RASL11B: variants seen among roughly 807,000 people sequenced by gnomAD.
RASL11B encodes the protein ras-like protein family member 11B.
Under a neutral mutation model 22.9 loss-of-function variants are expected in RASL11B, and 14 were observed. The observed-to-expected ratio is 0.61, with a 90% CI of 0.40 to 0.96. RASL11B has a LOEUF of 0.96. RASL11B is among the 40% of genes least tolerant of loss of function. RASL11B has a pLI of 0.00. For missense variants in RASL11B, 261 were observed against 322.0 expected (o/e 0.81, Z 1.45); for synonymous variants, 143 against 130.2 (o/e 1.10, Z -0.67).
At position 52,866,037 on chromosome 4, in the gene RASL11B, T is replaced by G; in HGVS notation, c.*232T>G. 1.8e-6 allele frequency: 1 copy of G among 552,474 alleles called. No homozygotes were observed. 34.2% of individuals were successfully genotyped at this position (552,474 alleles called of 1,614,324 possible). The stretch of plus-strand genomic sequence containing the variant: ...TGAGCCACTCTCTGAATATGTGAAA[T>G]GTACTCTGTGTCTTTTCCTTTAGAG... On this transcript the variant is annotated 3_prime_UTR_variant, in exon 4 of 4. Coordinates refer to ENST00000248706, the MANE Select transcript of RASL11B (RefSeq NM_023940.3).
chr4:52,862,390 ATTG>A lies in RASL11B; in HGVS notation c.-112_-110del, dbSNP rs759198863. Reference sequence around the variant, plus strand: ...ACCCCGCCCGTACCTGCACTTATTTATTGTTGTTATTTCTTACCGCGGAGCCCC... The same window carrying A: ...ACCCCGCCCGTACCTGCACTTATTTATTGTTATTTCTTACCGCGGAGCCCC... On this transcript the variant is annotated 5_prime_UTR_variant, in exon 1 of 4. Transcript: ENST00000248706. 316 of 711,118 alleles carry A rather than the reference ATTG, an allele frequency of 4.4e-4. No homozygotes were observed. Among genetic ancestry groups the A allele is most frequent in the Non-Finnish European group, 5.7e-4 (285 of 497,914 alleles). The allele number at this position is 711,118 out of a possible 1,614,324, so 44.1% of individuals were successfully genotyped here.
rs775128345 is a variant in RASL11B, at chr4:52,865,826, G to A, written c.*21G>A. On this transcript the variant is annotated 3_prime_UTR_variant, in exon 4 of 4. Transcript: ENST00000248706. The stretch of plus-strand genomic sequence containing the variant: ...TCTGAAGCAGGAGGAGCACTCAAGG[G>A]GGTTTGGTCTTCCCAGGAAGAGGGC... 4.4e-6 allele frequency: 7 copies of A among 1,587,692 alleles called. No homozygotes were observed. In the African/African-American group the frequency reaches 8.1e-5, roughly 18 times the overall value.
intron 2 of RASL11B, 159 bp downstream of exon 2, chr4:52,863,483 C>G: frequency 7.8e-6 from 5 of 642,582 alleles, no homozygotes; most frequent in Admixed American, 4.7e-5. Context: ...TGGCGCCCCC[C>G]TCCCATAACT....
intron 3 of RASL11B, 73 bp from the exon 4 acceptor site, chr4:52,865,262 T>C: frequency 7.6e-7 from 1 of 1,316,212 alleles, no homozygotes; most frequent in Non-Finnish European, 1.1e-6. Context: ...TCTTTTGAAT[T>C]TGAAATCTAC....
intron 1 of RASL11B, 32 bp downstream of exon 1, chr4:52,862,681 C>G: frequency 6.6e-7 from 1 of 1,516,372 alleles, no homozygotes; most frequent in South Asian, 1.3e-5. Context: ...TGGGTCTGGT[C>G]TTGGACGACC....
Position 52,862,430 on chromosome 4 carries a change from C to G in RASL11B, c.-78C>G, listed in dbSNP as rs1402838899. On this transcript the variant is annotated 5_prime_UTR_variant, in exon 1 of 4. Coordinates refer to ENST00000248706, the MANE Select transcript of RASL11B (RefSeq NM_023940.3). ...TACCGCGGAGCCCCGCAGTCGGGTC[C>G]TCCCGCCCGCTCCCGCGCAGCGCTA... The G allele has an allele frequency of 1.2e-5, 18 of 1,496,354 alleles. No individual in the cohort carries two copies. The highest frequency in any genetic ancestry group is 2.1e-4 in the Middle Eastern group (1 of 4,654). 92.7% of individuals were successfully genotyped at this position (1,496,354 alleles called of 1,614,324 possible).
chr4:52,863,034 G>A (rs1718190008), intron 1 of RASL11B, among the ~76,000 whole-genome samples: 1 of 152,212 alleles, frequency 6.6e-6, no homozygotes, highest in Non-Finnish European at 1.5e-5. Context: ...GCCGGGCTCA[G>A]AGGAGGGGGT....
In RASL11B at chr4:52,865,823, A is replaced by G. The variant is rs764967578; in HGVS notation, c.*18A>G. ...CCGTCTGAAGCAGGAGGAGCACTCA[A>G]GGGGGTTTGGTCTTCCCAGGAAGAG... On this transcript the variant is annotated 3_prime_UTR_variant, in exon 4 of 4. Transcript: ENST00000248706. 2.5e-6 allele frequency: 4 copies of G among 1,597,254 alleles called. No homozygotes were observed. Among genetic ancestry groups the G allele is most frequent in the Non-Finnish European group, 3.4e-6 (4 of 1,166,852 alleles).
chr4:52,863,201 G>T (rs1416041252), intron 1 of RASL11B, 67 bp from the exon 2 acceptor site: 1 of 1,386,824 alleles, frequency 7.2e-7, no homozygotes, highest in Non-Finnish European at 1.0e-6. Flanking sequence ...TTCCAGGCAG[G>T]GGGTGGGGTG....
At position 52,865,875 on chromosome 4, in the gene RASL11B, C is replaced by T. The variant is rs975983421; in HGVS notation, c.*70C>T. On this transcript the variant is annotated 3_prime_UTR_variant, in exon 4 of 4. Coordinates refer to ENST00000248706, the MANE Select transcript of RASL11B (RefSeq NM_023940.3). ...GCCTGAGGTTCTCCTAGTGCAGGAA[C>T]GTTGAATATTGGCAATGATTCCTGG... 6.2e-6 allele frequency: 7 copies of T among 1,136,044 alleles called. No homozygotes were observed. The highest frequency in any genetic ancestry group is 2.9e-5 in the South Asian group (2 of 70,066). The allele number at this position is 1,136,044 out of a possible 1,614,324, so 70.4% of individuals were successfully genotyped here.
intron 1 of RASL11B, 38 bp downstream of exon 1, chr4:52,862,687 C>T (rs748174922): frequency 6.7e-6 from 10 of 1,499,416 alleles, no homozygotes; most frequent in Middle Eastern, 1.8e-4. Context: ...TGGTCTTGGA[C>T]GACCCCTGAC....
chr4:52,863,422 C>G, intron 2 of RASL11B, 98 bp downstream of exon 2: 1 of 1,007,690 alleles, frequency 9.9e-7, no homozygotes, highest in Non-Finnish European at 1.5e-6. Flanking sequence ...AGTGACAGTC[C>G]GAGCCTGAGG....
At chr4:52,865,230 A>G in intron 3 of RASL11B, 105 bp from the exon 4 acceptor site, 3 of 844,470 alleles carry the variant, frequency 3.6e-6, no homozygotes, top group South Asian at 3.6e-5. Context: ...ATGGCCCTCA[A>G]CCTGGCACTA....
In RASL11B at chr4:52,862,347, A is replaced by T. The variant is rs554799808; in HGVS notation, c.-161A>T. On this transcript the variant is annotated 5_prime_UTR_variant, in exon 1 of 4. Transcript: ENST00000248706. ...GGGTCTGGAGCCTGAGCCCTGCGGA[A>T]CCTCGGCGCTCGGCCCCACCCCGCC... is the stretch of plus-strand genomic sequence containing the variant. 11 of 669,776 alleles carry T rather than the reference A, an allele frequency of 1.6e-5. No homozygotes were observed. Among genetic ancestry groups the T allele is most frequent in the Admixed American group, 7.5e-5 (2 of 26,664 alleles). 41.5% of individuals were successfully genotyped at this position (669,776 alleles called of 1,614,324 possible).
At position 52,865,911 on chromosome 4, in the gene RASL11B, G is replaced by A. The variant is rs1443737623; in HGVS notation, c.*106G>A. 1.2e-6 allele frequency: 1 copy of A among 845,070 alleles called. No individual in the cohort carries two copies. The highest frequency in any genetic ancestry group is 1.7e-5 in the African/African-American group (1 of 58,560). The allele number at this position is 845,070 out of a possible 1,614,324, so 52.3% of individuals were successfully genotyped here. A position where few individuals can be genotyped will look rare whatever the true frequency, so the allele number is the denominator to read the frequency against. On this transcript the variant is annotated 3_prime_UTR_variant, in exon 4 of 4. Transcript: ENST00000248706. ...GGCAATGATTCCTGGTTCCAGAAAG[G>A]GCTGGAGCAGAAGGGCCAAGAGGGC...
chr4:52,862,590 C>T lies in RASL11B; in HGVS notation c.83C>T (p.Ala28Val), dbSNP rs781647740. Residue 28 changes from alanine to valine, a missense_variant, in exon 1 of 4, where the codon GCC (alanine) becomes GTC (valine). Transcript: ENST00000248706. ...GCGGCCTCCGACTGCTGTGTGGGCG[C>T]CGCCGGCCGCCGCCTGGTCAAGATC... ...NAAASDCCVGAAGRRLVKIAV... is the reference protein window; with the variant it reads ...NAAASDCCVGVAGRRLVKIAV... 4.4e-6 allele frequency: 7 copies of T among 1,599,374 alleles called. No individual in the cohort carries two copies. In the South Asian group the frequency reaches 7.7e-5, roughly 18 times the overall value.
At position 52,865,696 on chromosome 4, in the gene RASL11B, A is replaced by G. The variant is rs766142915; in HGVS notation, c.638A>G (p.Lys213Arg). The change falls in exon 4 of 4, where the codon AAG becomes AGG. Residue 213 changes from lysine (K) to arginine (R), a missense_variant. Coordinates refer to ENST00000248706, the MANE Select transcript of RASL11B (RefSeq NM_023940.3). ...HKQQPSSTPEKRRTSLIPRPK... is the reference protein window; with the variant it reads ...HKQQPSSTPERRRTSLIPRPK... Reference sequence around the variant, plus strand: ...CAGCAGCCTAGCAGTACACCCGAGAAGCGAAGAACCTCCCTCATTCCCAGG... The same window carrying G: ...CAGCAGCCTAGCAGTACACCCGAGAGGCGAAGAACCTCCCTCATTCCCAGG... The G allele has an allele frequency of 6.2e-7, 1 of 1,614,156 alleles. No homozygotes were observed. The highest frequency in any genetic ancestry group is 1.1e-5 in the South Asian group (1 of 91,072).
chr4:52,864,311 CTGT>C (rs1718219019), intron 2 of RASL11B, 164 bp from the exon 3 acceptor site: 10 of 576,726 alleles, frequency 1.7e-5, no homozygotes, highest in Middle Eastern at 4.9e-4. Flanking sequence ...GTTAAAATTG[CTGT>C]TGTTTTTTAA....
chr4:52,864,285 A>G, intron 2 of RASL11B, 193 bp from the exon 3 acceptor site: 1 of 504,550 alleles, frequency 2.0e-6, no homozygotes, highest in Non-Finnish European at 3.5e-6. Flanking sequence ...CCTGGTTTTA[A>G]TAAATCTAAC....
Sources: gnomAD v4.1 joint callset for allele counts (sites outside exome capture counted in the v4.1 genomes callset) on GRCh38, gnomAD v4.1.1 for gene constraint, MANE v1.5 for transcripts, NCBI Gene and HGNC (gene_info 2026-07-23, HGNC 2026-07-21) for gene names.